ASTN2: variants seen among roughly 807,000 people sequenced by gnomAD.
ASTN2 encodes the protein astrotactin 2, also known as astrotactin-2.
In ASTN2, 54 loss-of-function variants were observed where a neutral mutation model predicts 139.8. The ratio of observed to expected loss-of-function variants is 0.39; its 90% CI spans 0.31 to 0.48. The LOEUF is 0.48. Among genes scored for constraint, ASTN2 ranks in the 20% least tolerant of loss-of-function variants. The pLI is 0.95. For missense variants in ASTN2, 1,565 were observed against 1,725.1 expected, an observed-to-expected ratio of 0.91 and a Z score of 1.64; for synonymous variants, 756 against 719.5, an observed-to-expected ratio of 1.05 and a Z score of -0.81.
intron 10 of ASTN2, among the ~76,000 whole-genome samples, chr9:116,880,752 C>T (rs1305983436): frequency 6.6e-6 from 1 of 152,036 alleles, no homozygotes; most frequent in African/African-American, 2.4e-5. Flanking sequence ...CCATGGCTGC[C>T]ATAGGTGCCA....
chr9:116,916,058 G>C lies in ASTN2; in HGVS notation c.1890-52325C>G, dbSNP rs192221585. Among the ~76,000 whole-genome samples, 142 of 152,336 alleles carry C rather than the reference G, an allele frequency of 9.3e-4. 1 individual carries two copies. Among genetic ancestry groups the C allele is most frequent in the African/African-American group, 3.3e-3 (138 of 41,576 alleles). On this transcript the variant is annotated intron_variant, in intron 10 of 22. Transcript: ENST00000313400. Reference sequence around the variant, plus strand: ...ACTGAATTAAATTGCAGGACACTTAGCTGGTGTCCAGAGAGTTAGAAAACT... The same window carrying C: ...ACTGAATTAAATTGCAGGACACTTACCTGGTGTCCAGAGAGTTAGAAAACT...
chr9:117,151,171 G>GA (rs529139705), intron 3 of ASTN2, among the ~76,000 whole-genome samples: 77 of 149,220 alleles, frequency 5.2e-4, no homozygotes, highest in East Asian at 4.7e-3. Flanking sequence ...ATTGACAAAA[G>GA]AAAAAAAAAC....
intron 3 of ASTN2, among the ~76,000 whole-genome samples, chr9:117,207,291 G>A (rs1265897796): frequency 1.3e-5 from 2 of 151,964 alleles, no homozygotes; most frequent in Non-Finnish European, 2.9e-5. Flanking sequence ...CCACAGAAAC[G>A]CCCCAAACCA....
intron 1 of ASTN2, among the ~76,000 whole-genome samples, chr9:117,412,979 C>T (rs755968200): frequency 3.6e-4 from 55 of 152,118 alleles, no homozygotes; most frequent in Non-Finnish European, 6.8e-4. Context: ...CTTGGTGCGT[C>T]GCACCCCAGA....
At chr9:116,904,451 G>A (rs115313896) in intron 10 of ASTN2, among the ~76,000 whole-genome samples, 2,757 of 152,258 alleles carry the variant, frequency 0.018, 49 homozygotes, top group East Asian at 0.07. Flanking sequence ...TTCAAGTCCT[G>A]TCCTGGGAGC....
chr9:116,606,714 G>C (rs1433845690), intron 19 of ASTN2, among the ~76,000 whole-genome samples: 1 of 151,490 alleles, frequency 6.6e-6, no homozygotes, highest in African/African-American at 2.4e-5. Context: ...CATGGAAATA[G>C]GAAACAACAA....
At chr9:116,577,702 T>C (rs922763928) in intron 19 of ASTN2, among the ~76,000 whole-genome samples, 1 of 152,212 alleles carries the variant, frequency 6.6e-6, no homozygotes. Flanking sequence ...GTGATGTTAG[T>C]TATCTCATCT....
At chr9:116,653,899 C>G (rs945856251) in intron 16 of ASTN2, among the ~76,000 whole-genome samples, 3 of 152,212 alleles carry the variant, frequency 2.0e-5, no homozygotes, top group Non-Finnish European at 4.4e-5. Flanking sequence ...TTCCAGTTAA[C>G]CAATCCTTCA....
intron 3 of ASTN2, chr9:117,181,312 C>T (rs1169192396): frequency 1.2e-5 from 5 of 409,346 alleles, no homozygotes; most frequent in African/African-American, 2.0e-5. Context: ...ATAACTTGCC[C>T]CAGGTCAAAG....
chr9:117,340,387 G>C (rs1034716375), intron 1 of ASTN2, among the ~76,000 whole-genome samples: 2 of 142,292 alleles, frequency 1.4e-5, no homozygotes, highest in Admixed American at 1.4e-4. Context: ...GGAGGGGTAT[G>C]ACTACTTCGG....
At chr9:117,398,312 T>C (rs993756277) in intron 1 of ASTN2, among the ~76,000 whole-genome samples, 8 of 152,142 alleles carry the variant, frequency 5.3e-5, no homozygotes, top group Admixed American at 6.5e-5. Context: ...TTCCAATATA[T>C]TGTACATGGA....
At chr9:116,709,990 T>C (rs1015195193) in intron 16 of ASTN2, among the ~76,000 whole-genome samples, 13 of 152,216 alleles carry the variant, frequency 8.5e-5, no homozygotes, top group Admixed American at 3.3e-4. Flanking sequence ...ATAAAGATTC[T>C]GACTCCATTT....
intron 19 of ASTN2, among the ~76,000 whole-genome samples, chr9:116,607,876 G>A (rs139775791): frequency 0.043 from 6,608 of 152,132 alleles, 510 homozygotes; most frequent in African/African-American, 0.15. Context: ...CAGGAGAATC[G>A]CTTGAATCTG....
intron 17 of ASTN2, among the ~76,000 whole-genome samples, chr9:116,642,149 A>AAAAAAAAAAAC: frequency 6.7e-6 from 1 of 149,566 alleles, no homozygotes; most frequent in African/African-American, 2.5e-5. Context: ...AAAAAAACAA[A>AAAAAAAAAAAC]AAAAAACAGA....
At chr9:116,969,294 G>C (rs1836114234) in intron 10 of ASTN2, among the ~76,000 whole-genome samples, 1 of 152,122 alleles carries the variant, frequency 6.6e-6, no homozygotes, top group South Asian at 2.1e-4. Context: ...TGTGATCTTG[G>C]GCAAGGTACA....
chr9:116,509,598 T>C (rs1033926370), intron 19 of ASTN2, among the ~76,000 whole-genome samples: 1 of 152,230 alleles, frequency 6.6e-6, no homozygotes, highest in Non-Finnish European at 1.5e-5. Flanking sequence ...TCTTCCACAA[T>C]GGTTCAACTA....
At chr9:116,852,539 A>G (rs538472682) in intron 11 of ASTN2, among the ~76,000 whole-genome samples, 1 of 152,098 alleles carries the variant, frequency 6.6e-6, no homozygotes, top group Non-Finnish European at 1.5e-5. Context: ...AAACCTTCTC[A>G]CTGTTTGCTC....
intron 2 of ASTN2, among the ~76,000 whole-genome samples, chr9:117,286,894 A>T (rs1004282932): frequency 6.6e-6 from 1 of 152,258 alleles, no homozygotes; most frequent in Admixed American, 6.5e-5. Flanking sequence ...AATGTCAGGC[A>T]CTGTGCCATG....
intron 20 of ASTN2, among the ~76,000 whole-genome samples, chr9:116,483,346 T>C (rs1849233612): frequency 6.6e-6 from 1 of 152,238 alleles, no homozygotes; most frequent in Admixed American, 6.5e-5. Flanking sequence ...AAAATCAGCC[T>C]TGACTTTCAC....
Sources: gnomAD v4.1 joint callset for allele counts (sites outside exome capture counted in the v4.1 genomes callset) on GRCh38, gnomAD v4.1.1 for gene constraint, MANE v1.5 for transcripts, NCBI Gene and HGNC (gene_info 2026-07-23, HGNC 2026-07-21) for gene names.